Variants in DGLUCY observed in about 807,000 individuals in gnomAD.
DGLUCY encodes the protein D-glutamate cyclase.
Under a neutral mutation model 58.5 loss-of-function variants are expected in DGLUCY, and 58 were observed. That is an observed-to-expected ratio of 0.99 (90% CI 0.80 to 1.23). The LOEUF (loss-of-function observed/expected upper bound fraction) is 1.23, where lower values mean the gene tolerates loss of function less well. Ranked by LOEUF, DGLUCY falls within the 50% of genes most tolerant of loss-of-function variation. The pLI, the probability that DGLUCY is intolerant of heterozygous loss-of-function variation, is 0.00. For missense variants in DGLUCY, 779 were observed against 784.7 expected (o/e 0.99, Z 0.09); for synonymous variants, 325 against 314.1 (o/e 1.03, Z -0.37).
intron 7 of DGLUCY, among the ~76,000 whole-genome samples, chr14:91,177,641 G>A (rs1393287317): frequency 2.0e-5 from 3 of 152,222 alleles, no homozygotes; most frequent in Admixed American, 6.5e-5. Context: ...GAAAATTCTG[G>A]CCAGGCCAGC....
chr14:91,081,156 T>G (rs1221665197), intron 1 of DGLUCY, among the ~76,000 whole-genome samples: 1 of 151,150 alleles, frequency 6.6e-6, no homozygotes, highest in Non-Finnish European at 1.5e-5. Flanking sequence ...TGAGCCAAGA[T>G]CGCGCCACTG....
intron 1 of DGLUCY, among the ~76,000 whole-genome samples, chr14:91,102,474 AC>A (rs1227112076): frequency 6.6e-6 from 1 of 151,794 alleles, no homozygotes; most frequent in Non-Finnish European, 1.5e-5. Context: ...ACCTGCTGCC[AC>A]CCCCTCCTCC....
At chr14:91,151,060 A>G (rs527766427) in intron 1 of DGLUCY, among the ~76,000 whole-genome samples, 2 of 152,238 alleles carry the variant, frequency 1.3e-5, no homozygotes, top group Non-Finnish European at 2.9e-5. Flanking sequence ...AAATGGAATC[A>G]TACAATATTT....
upstream of DGLUCY, among the ~76,000 whole-genome samples, chr14:91,104,061 C>CT (rs1293827774): frequency 1.2e-3 from 11 of 9,512 alleles, no homozygotes; most frequent in African/African-American, 3.6e-3. Flanking sequence ...TGAAAACATT[C>CT]TTTTTTTTTT....
intron 12 of DGLUCY, among the ~76,000 whole-genome samples, chr14:91,215,040 T>A (rs1026473807): frequency 5.9e-5 from 9 of 152,078 alleles, no homozygotes; most frequent in Non-Finnish European, 1.3e-4. Flanking sequence ...TCCCAGCTGC[T>A]CAGGAGGCTG....
chr14:91,117,881 A>G (rs1426745351), intron 1 of DGLUCY, among the ~76,000 whole-genome samples: 1 of 152,212 alleles, frequency 6.6e-6, no homozygotes, highest in South Asian at 2.1e-4. Context: ...TATTCAGGTC[A>G]TAGGTAGATT....
intron 12 of DGLUCY, among the ~76,000 whole-genome samples, chr14:91,211,890 T>C (rs1595933738): frequency 1.3e-5 from 2 of 152,310 alleles, no homozygotes; most frequent in East Asian, 1.9e-4. Flanking sequence ...AACCTCCACC[T>C]CCTGGGTTCA....
At chr14:91,061,037 C>T (rs903344597) in intron 1 of DGLUCY, among the ~76,000 whole-genome samples, 2 of 152,142 alleles carry the variant, frequency 1.3e-5, no homozygotes, top group Non-Finnish European at 2.9e-5. Flanking sequence ...CTCGGGGTCT[C>T]TGATTGGCTA....
intron 4 of DGLUCY, among the ~76,000 whole-genome samples, chr14:91,168,203 C>T (rs2048384104): frequency 1.3e-5 from 2 of 151,814 alleles, no homozygotes; most frequent in Admixed American, 1.3e-4. Context: ...GAGGTTGAGG[C>T]TGCGGTGAGC....
chr14:91,208,730 CAG>C (rs1377672424), intron 12 of DGLUCY, among the ~76,000 whole-genome samples: 2 of 152,132 alleles, frequency 1.3e-5, no homozygotes, highest in East Asian at 3.9e-4. Context: ...GCCTGGGTGA[CAG>C]AGTCAGACCC....
intron 1 of DGLUCY, among the ~76,000 whole-genome samples, chr14:91,069,799 C>CTTTTTTTT (rs5810528): frequency 2.5e-5 from 3 of 121,038 alleles, no homozygotes; most frequent in African/African-American, 9.5e-5. Context: ...TGATATGCCT[C>CTTTTTTTT]TTTTTTTTTT....
At chr14:91,118,975 AT>A (rs2045177399) in intron 1 of DGLUCY, among the ~76,000 whole-genome samples, 1 of 152,068 alleles carries the variant, frequency 6.6e-6, no homozygotes, top group African/African-American at 2.4e-5. Flanking sequence ...GTTAAAAAAA[AT>A]TTTTTTAAAT....
At chr14:91,112,537 C>T (rs988446962), upstream of DGLUCY, among the ~76,000 whole-genome samples, 1 of 152,084 alleles carries the variant, frequency 6.6e-6, no homozygotes, top group African/African-American at 2.4e-5. Flanking sequence ...GGCTGCATGA[C>T]ATGGGGTTTT....
intron 9 of DGLUCY, 150 bp downstream of exon 9, chr14:91,189,320 G>C: frequency 1.8e-6 from 2 of 1,128,332 alleles, no homozygotes; most frequent in Non-Finnish European, 2.5e-6. Context: ...TAGACGAAGA[G>C]ACTGAGGCTC....
chr14:91,150,371 G>A (rs2047257467), intron 1 of DGLUCY, among the ~76,000 whole-genome samples: 1 of 152,140 alleles, frequency 6.6e-6, no homozygotes, highest in Non-Finnish European at 1.5e-5. Context: ...TGAGTCTGGT[G>A]TGGTGCTTTT....
At chr14:91,086,678 G>C (rs1389523206) in intron 1 of DGLUCY, among the ~76,000 whole-genome samples, 2 of 152,098 alleles carry the variant, frequency 1.3e-5, no homozygotes, top group Non-Finnish European at 2.9e-5. Context: ...TTTTATACCT[G>C]TTCAGATTCT....
At chr14:91,064,772 G>A (rs2043794270) in intron 1 of DGLUCY, among the ~76,000 whole-genome samples, 1 of 152,074 alleles carries the variant, frequency 6.6e-6, no homozygotes, top group South Asian at 2.1e-4. Context: ...ACCCTAAGAT[G>A]TCATATAACA....
At chr14:91,060,390 G>A in exon 1 of DGLUCY, 2 of 1,507,078 alleles carry the variant, frequency 1.3e-6, no homozygotes, top group South Asian at 1.3e-5. Context: ...CGCCGTCCGC[G>A]CTGGTCCCCG....
At chr14:91,103,811 AACAC>A (rs72140720), upstream of DGLUCY, among the ~76,000 whole-genome samples, 46 of 151,380 alleles carry the variant, frequency 3.0e-4, no homozygotes, top group Admixed American at 2.6e-3. Flanking sequence ...ACATATATGA[AACAC>A]ACACACACAC....
Sources: gnomAD v4.1 joint callset for allele counts (sites outside exome capture counted in the v4.1 genomes callset) on GRCh38, gnomAD v4.1.1 for gene constraint, MANE v1.5 for transcripts, NCBI Gene and HGNC (gene_info 2026-07-23, HGNC 2026-07-21) for gene names.